N4BP2: variants seen among roughly 807,000 people sequenced by gnomAD.
The protein encoded by N4BP2 is NEDD4-binding protein 2.
Under a neutral mutation model 152.8 loss-of-function variants are expected in N4BP2, and 91 were observed. The ratio of observed to expected loss-of-function variants is 0.60; its 90% CI spans 0.50 to 0.71. The LOEUF is 0.71. Among genes scored for constraint, N4BP2 ranks in the 30% least tolerant of loss-of-function variants. N4BP2 has a pLI of 0.00. For synonymous variants in N4BP2, 646 were observed against 705.3 expected (o/e 0.92, Z 1.33); for missense variants, 1,923 against 2,059.1 (o/e 0.93, Z 1.28).
At chr4:40,132,561 A>C (rs892425500) in intron 13 of N4BP2, among the ~76,000 whole-genome samples, 3 of 152,106 alleles carry the variant, frequency 2.0e-5, no homozygotes, top group African/African-American at 7.2e-5. Context: ...TAAGGACTTT[A>C]ATTCCATTGA....
chr4:40,086,576 A>G (rs998297231), intron 2 of N4BP2, among the ~76,000 whole-genome samples: 1 of 151,768 alleles, frequency 6.6e-6, no homozygotes, highest in Admixed American at 6.6e-5. Context: ...GACCTCAAGT[A>G]ATCCACCCGC....
At chr4:40,062,743 G>A (rs932426444) in intron 1 of N4BP2, among the ~76,000 whole-genome samples, 1 of 151,944 alleles carries the variant, frequency 6.6e-6, no homozygotes, top group Non-Finnish European at 1.5e-5. Context: ...TATCTGTCTG[G>A]AATACCTTTC....
chr4:40,176,445 C>T, the N4BP2 span, among the ~76,000 whole-genome samples: 1 of 152,086 alleles, frequency 6.6e-6, no homozygotes, highest in African/African-American at 2.4e-5. Context: ...CTTATATCTC[C>T]CTTTCTTTGA....
intron 15 of N4BP2, 36 bp downstream of exon 15, chr4:40,142,897 T>TTA: frequency 6.4e-7 from 1 of 1,561,264 alleles, no homozygotes; most frequent in Non-Finnish European, 8.8e-7. Flanking sequence ...TTTTTGTCAG[T>TTA]TATAATAACT....
the N4BP2 span, among the ~76,000 whole-genome samples, chr4:40,182,124 T>TCTCTACTAA: frequency 2.3e-3 from 351 of 152,330 alleles, no homozygotes; most frequent in African/African-American, 7.2e-3. Flanking sequence ...AGTTGAAAAT[T>TCTCTACTAA]ATGTTCTGTT....
intron 1 of N4BP2, among the ~76,000 whole-genome samples, chr4:40,069,144 A>G (rs1441812930): frequency 6.7e-6 from 1 of 150,022 alleles, no homozygotes. Context: ...AAAAAACAAC[A>G]AAAAAATTCC....
At chr4:40,078,673 G>T (rs1291323133) in intron 2 of N4BP2, among the ~76,000 whole-genome samples, 1 of 151,920 alleles carries the variant, frequency 6.6e-6, no homozygotes, top group African/African-American at 2.4e-5. Flanking sequence ...CTACAGGTGT[G>T]CACCATTACG....
downstream of N4BP2, among the ~76,000 whole-genome samples, chr4:40,160,993 C>G (rs1342422458): frequency 2.0e-5 from 3 of 152,140 alleles, no homozygotes; most frequent in Non-Finnish European, 4.4e-5. Context: ...CGCCCTCCTT[C>G]CCACCCCCAG....
rs981531072 is a variant in N4BP2 at position 40,124,164 on chromosome 4, G to A, written c.4289G>A (p.Arg1430Gln). The change falls in exon 11 of 18, where the codon CGA becomes CAA. Residue 1430 changes from arginine to glutamine, a missense_variant. Physicochemically the swap from Arg to Gln is conservative, Grantham distance 43. Transcript: ENST00000261435. ...TTGCCTGGCTTTTGTGTTTAGGAGCGACAAAGACAAGAAGAGGTGTCTTGT... is the reference window on the plus strand; with the variant it reads ...TTGCCTGGCTTTTGTGTTTAGGAGCAACAAAGACAAGAAGAGGTGTCTTGT... ...HEKWKESVME[R>Q]QRQEEVSCGK... 1.3e-5 allele frequency: 21 copies of A among 1,608,520 alleles called. No homozygotes were observed. The highest frequency in any genetic ancestry group is 4.4e-5 in the South Asian group (4 of 90,526).
At chr4:40,087,591 T>C (rs1714102373) in intron 2 of N4BP2, among the ~76,000 whole-genome samples, 1 of 151,966 alleles carries the variant, frequency 6.6e-6, no homozygotes, top group East Asian at 1.9e-4. Context: ...TCTTGAACTC[T>C]GGCCTCAAAT....
At chr4:40,169,314 G>A in the N4BP2 span, among the ~76,000 whole-genome samples, 1 of 151,396 alleles carries the variant, frequency 6.6e-6, no homozygotes. Flanking sequence ...CCCAGCGGGT[G>A]GAGGTTGCAG....
intron 12 of N4BP2, among the ~76,000 whole-genome samples, chr4:40,130,502 A>G (rs866450758): frequency 1.3e-5 from 2 of 151,966 alleles, no homozygotes; most frequent in South Asian, 4.1e-4. Flanking sequence ...CAATTCTAGC[A>G]TTTTCCCAGA....
chr4:40,145,635 C>A (rs573833525), intron 16 of N4BP2, among the ~76,000 whole-genome samples: 1 of 152,172 alleles, frequency 6.6e-6, no homozygotes, highest in East Asian at 1.9e-4. Flanking sequence ...GAAAACTCTT[C>A]AAGTATATAG....
rs745765232 is a variant in N4BP2, at chr4:40,120,295, C to T, written c.2184C>T (p.Cys728=). 1 of 1,612,782 alleles carries T rather than the reference C, an allele frequency of 6.2e-7. No homozygotes were observed. The highest frequency in any genetic ancestry group is 1.7e-5 in the Admixed American group (1 of 59,576). Residue 728 remains cysteine, a synonymous_variant, in exon 9 of 18, where the codon TGC becomes TGT. Coordinates refer to ENST00000261435, the MANE Select transcript of N4BP2 (RefSeq NM_018177.6). ...TGGAGAGAGTATCACCTAGTACTTG[C>T]TGTAGTGAAAATAATCAAGAAGACT... ...SSMERVSPST[C]CSENNQEDCD...
At chr4:40,131,721 A>G (rs904560813) in intron 12 of N4BP2, 80 bp from the exon 13 acceptor site, 3 of 1,022,920 alleles carry the variant, frequency 2.9e-6, no homozygotes, top group Non-Finnish European at 4.4e-6. Flanking sequence ...TAGTTTTGCA[A>G]CAAGTTAACC....
chr4:40,058,803 C>T (rs539710788), intron 1 of N4BP2, among the ~76,000 whole-genome samples: 1 of 151,666 alleles, frequency 6.6e-6, no homozygotes, highest in Admixed American at 6.6e-5. Flanking sequence ...AATCTAAATA[C>T]TGTTACATAG....
intron 2 of N4BP2, among the ~76,000 whole-genome samples, chr4:40,086,856 T>G (rs1714018657): frequency 6.6e-6 from 1 of 152,096 alleles, no homozygotes; most frequent in Admixed American, 6.6e-5. Flanking sequence ...GAAGTGATCC[T>G]CCCATCTCAG....
intron 2 of N4BP2, among the ~76,000 whole-genome samples, chr4:40,095,995 T>G (rs813230): frequency 0.27 from 40,442 of 151,872 alleles, 5,747 homozygotes; most frequent in East Asian, 0.53. Context: ...TGGAATATGG[T>G]TGAAAGATGA....
chr4:40,090,659 G>A (rs565769322), intron 2 of N4BP2, among the ~76,000 whole-genome samples: 8 of 152,258 alleles, frequency 5.3e-5, no homozygotes, highest in South Asian at 4.1e-4. Flanking sequence ...ACAGCCAGGC[G>A]TGGTGAGTCA....
Sources: gnomAD v4.1 joint callset for allele counts (sites outside exome capture counted in the v4.1 genomes callset) on GRCh38, gnomAD v4.1.1 for gene constraint, MANE v1.5 for transcripts, NCBI Gene and HGNC (gene_info 2026-07-23, HGNC 2026-07-21) for gene names.